FIGN: variants seen among roughly 807,000 people sequenced by gnomAD.
FIGN encodes the protein fidgetin.
Under a neutral mutation model 51.3 loss-of-function variants are expected in FIGN, and 11 were observed. The observed-to-expected ratio is 0.21, with a 90% CI of 0.13 to 0.35. The LOEUF (loss-of-function observed/expected upper bound fraction) is 0.35, where lower values mean the gene tolerates loss of function less well. Among genes scored for constraint, FIGN ranks in the 10% least tolerant of loss-of-function variants. The probability of loss-of-function intolerance (pLI) is 1.00; values close to 1 mark genes in which losing one functional copy is unlikely to be tolerated. For missense variants in FIGN, 857 were observed against 943.6 expected, an observed-to-expected ratio of 0.91 and a Z score of 1.20; for synonymous variants, 407 against 363.2, an observed-to-expected ratio of 1.12 and a Z score of -1.37.
chr2:163,668,014 A>AAACCCCC (rs1491089658), intron 2 of FIGN, among the ~76,000 whole-genome samples: 1 of 106,874 alleles, frequency 9.4e-6, no homozygotes, highest in African/African-American at 4.1e-5. Flanking sequence ...CCTACCTCCA[A>AAACCCCC]CCCCCCCCCC....
chr2:163,630,408 G>A (rs1166741093), intron 2 of FIGN, among the ~76,000 whole-genome samples: 1 of 152,064 alleles, frequency 6.6e-6, no homozygotes, highest in African/African-American at 2.4e-5. Flanking sequence ...GAGCCAGTCA[G>A]TAGACCTATG....
intron 2 of FIGN, among the ~76,000 whole-genome samples, chr2:163,723,193 A>T (rs577273207): frequency 9.2e-5 from 14 of 151,448 alleles, no homozygotes; most frequent in African/African-American, 2.7e-4. Context: ...TCCGTCTCAA[A>T]AATAATAATA....
chr2:163,625,396 ATTG>A (rs1470085352), intron 2 of FIGN, among the ~76,000 whole-genome samples: 1 of 152,018 alleles, frequency 6.6e-6, no homozygotes, highest in African/African-American at 2.4e-5. Flanking sequence ...TTTATTAGAT[ATTG>A]TTGTTAAAAA....
intron 2 of FIGN, among the ~76,000 whole-genome samples, chr2:163,727,474 A>G (rs1464315377): frequency 1.3e-5 from 2 of 152,146 alleles, no homozygotes; most frequent in Admixed American, 6.6e-5. Flanking sequence ...TTCTTTCATT[A>G]AAGTGCCTAT....
chr2:163,723,787 G>A (rs974190120), intron 2 of FIGN, among the ~76,000 whole-genome samples: 1 of 152,154 alleles, frequency 6.6e-6, no homozygotes, highest in African/African-American at 2.4e-5. Flanking sequence ...AAAAGCATTA[G>A]CTAACTAATA....
chr2:163,680,183 T>C (rs1176057041), intron 2 of FIGN, among the ~76,000 whole-genome samples: 1 of 152,214 alleles, frequency 6.6e-6, no homozygotes, highest in Non-Finnish European at 1.5e-5. Context: ...ACAAAGACAG[T>C]ATTGGGTGTA....
chr2:163,689,173 A>AACACACACACACACACACACACAC (rs58519537), intron 2 of FIGN, among the ~76,000 whole-genome samples: 47 of 144,758 alleles, frequency 3.2e-4, no homozygotes, highest in East Asian at 1.5e-3. Flanking sequence ...AACAAAAATG[A>AACACACACACACACACACACACAC]ACACACACAC....
intron 2 of FIGN, chr2:163,612,515 G>C: frequency 1.0e-6 from 1 of 985,006 alleles, no homozygotes; most frequent in Non-Finnish European, 1.2e-6. Flanking sequence ...CGCTTTCATC[G>C]CACAAAGCCT....
At chr2:163,618,556 G>T (rs893543705) in intron 2 of FIGN, among the ~76,000 whole-genome samples, 2 of 151,792 alleles carry the variant, frequency 1.3e-5, no homozygotes, top group Non-Finnish European at 2.9e-5. Flanking sequence ...TGTTTGGTTT[G>T]GCCAGCACAG....
chr2:163,716,892 C>T (rs1208235375), intron 2 of FIGN, among the ~76,000 whole-genome samples: 2 of 152,224 alleles, frequency 1.3e-5, no homozygotes, highest in Non-Finnish European at 1.5e-5. Flanking sequence ...AGCACCTCTT[C>T]TGCTTACAAC....
chr2:163,732,483 T>C (rs978923299), intron 2 of FIGN, among the ~76,000 whole-genome samples: 1 of 152,210 alleles, frequency 6.6e-6, no homozygotes, highest in Non-Finnish European at 1.5e-5. Context: ...CAAAATAATC[T>C]TTCAAAATAA....
intron 2 of FIGN, among the ~76,000 whole-genome samples, chr2:163,679,940 G>C (rs72867799): frequency 0.018 from 2,800 of 152,296 alleles, 47 homozygotes; most frequent in Non-Finnish European, 0.029. Flanking sequence ...TGATAAGTGA[G>C]AAATATGAAA....
At chr2:163,727,501 G>C (rs1684855570) in intron 2 of FIGN, among the ~76,000 whole-genome samples, 2 of 152,080 alleles carry the variant, frequency 1.3e-5, no homozygotes, top group Admixed American at 1.3e-4. Context: ...GGAGAGCAAT[G>C]CCTTGTTATT....
intron 2 of FIGN, among the ~76,000 whole-genome samples, chr2:163,666,765 G>T (rs1553498850): frequency 6.6e-6 from 1 of 151,978 alleles, no homozygotes; most frequent in Non-Finnish European, 1.5e-5. Flanking sequence ...AGGACACAAA[G>T]CCTCAAAGAA....
At chr2:163,662,363 A>G (rs1182836744) in intron 2 of FIGN, among the ~76,000 whole-genome samples, 2 of 152,228 alleles carry the variant, frequency 1.3e-5, no homozygotes, top group African/African-American at 4.8e-5. Flanking sequence ...GCTGCTGTTA[A>G]AAGAATTCCA....
chr2:163,642,907 AT>A (rs1683325106), intron 2 of FIGN, among the ~76,000 whole-genome samples: 1 of 152,228 alleles, frequency 6.6e-6, no homozygotes, highest in Non-Finnish European at 1.5e-5. Flanking sequence ...AATGGAAAAA[AT>A]ATCTCATGCT....
intron 2 of FIGN, among the ~76,000 whole-genome samples, chr2:163,655,293 C>T (rs949710891): frequency 6.6e-6 from 1 of 152,094 alleles, no homozygotes; most frequent in Non-Finnish European, 1.5e-5. Context: ...TGCCAGCTGT[C>T]AGAGTTATAG....
rs1480473950 is a variant in FIGN, at chr2:163,702,158, G to A, written c.25+32745C>T. Among the ~76,000 whole-genome samples, 4 of 152,084 alleles carry A rather than the reference G, an allele frequency of 2.6e-5. No individual in the cohort carries two copies. In the East Asian group the frequency reaches 7.7e-4, roughly 29 times the overall value. ...TCAGCAGAGACAGATCTACCATGAA[G>A]CGTAATGAAGCTGATCCTCACTAAA... On this transcript the variant is annotated intron_variant, in intron 2 of 2. Coordinates refer to ENST00000333129, the MANE Select transcript of FIGN (RefSeq NM_018086.4).
intron 2 of FIGN, among the ~76,000 whole-genome samples, chr2:163,711,326 G>A (rs1684584684): frequency 6.6e-6 from 1 of 152,174 alleles, no homozygotes; most frequent in Non-Finnish European, 1.5e-5. Flanking sequence ...GTCATGGGTA[G>A]TGAAACAATG....
Sources: gnomAD v4.1 joint callset for allele counts (sites outside exome capture counted in the v4.1 genomes callset) on GRCh38, gnomAD v4.1.1 for gene constraint, MANE v1.5 for transcripts, NCBI Gene and HGNC (gene_info 2026-07-23, HGNC 2026-07-21) for gene names.